Variants in IFNGR2 observed in about 807,000 individuals in gnomAD.
IFNGR2 encodes the protein IFN-gamma receptor 2.
IFNGR2 carries 15 observed loss-of-function variants against 41.1 expected under a neutral mutation model. The ratio of observed to expected loss-of-function variants is 0.37; its 90% CI spans 0.24 to 0.56. IFNGR2 has a LOEUF of 0.56. IFNGR2 is among the 20% of genes least tolerant of loss of function. The probability of loss-of-function intolerance (pLI) is 0.81; values close to 1 mark genes in which losing one functional copy is unlikely to be tolerated. For synonymous variants in IFNGR2, 161 were observed against 171.6 expected, an observed-to-expected ratio of 0.94 and a Z score of 0.48; for missense variants, 362 against 415.7, an observed-to-expected ratio of 0.87 and a Z score of 1.12.
chr21:33,409,211 G>A (rs2083699567), intron 1 of IFNGR2, among the ~76,000 whole-genome samples: 1 of 151,924 alleles, frequency 6.6e-6, no homozygotes, highest in Non-Finnish European at 1.5e-5. Context: ...GCTCACACCT[G>A]TAATCCCAGC....
At chr21:33,417,640 C>T (rs1224666231) in intron 2 of IFNGR2, among the ~76,000 whole-genome samples, 1 of 152,078 alleles carries the variant, frequency 6.6e-6, no homozygotes. Context: ...AGATGGCAAC[C>T]GCAGAGCATC....
chr21:33,426,144 T>TG (rs11389620), intron 3 of IFNGR2, among the ~76,000 whole-genome samples: 152,366 of 152,366 alleles, frequency 1, 76,183 homozygotes, highest in Non-Finnish European at 1. Flanking sequence ...ATGGGCATGG[T>TG]GCTCACGCCT....
chr21:33,423,021 AT>A (rs1337776120), intron 3 of IFNGR2, among the ~76,000 whole-genome samples: 2 of 149,730 alleles, frequency 1.3e-5, no homozygotes, highest in Non-Finnish European at 3.0e-5. Flanking sequence ...GTGTTTGTTA[AT>A]GATCTTCCCT....
rs121913214 is a variant in IFNGR2 at position 33,432,509 on chromosome 21, A to C, written c.721+173A>C. The C allele has an allele frequency of 1.0e-4, 86 of 840,038 alleles. No homozygotes were observed. In the Middle Eastern group the frequency reaches 1.6e-3, roughly 16 times the overall value. The allele number at this position is 840,038 out of a possible 1,614,324, so 52.0% of individuals were successfully genotyped here. A position where few individuals can be genotyped will look rare whatever the true frequency, so the allele number is the denominator to read the frequency against. ...GCTGAGATTTGCAGTAGTGGAGGCTACCAGACAGCTACCACTTGCTTTATT... is the reference window on the plus strand; with the variant it reads ...GCTGAGATTTGCAGTAGTGGAGGCTCCCAGACAGCTACCACTTGCTTTATT... On this transcript the variant is annotated intron_variant, in intron 5 of 6. Transcript: ENST00000290219.
At chr21:33,417,407 A>G (rs2083761783) in intron 2 of IFNGR2, among the ~76,000 whole-genome samples, 1 of 152,130 alleles carries the variant, frequency 6.6e-6, no homozygotes, top group Non-Finnish European at 1.5e-5. Context: ...TTGTTTTTAA[A>G]TGTCCGTTGT....
intron 2 of IFNGR2, among the ~76,000 whole-genome samples, chr21:33,419,133 T>C (rs964548338): frequency 2.6e-5 from 4 of 152,160 alleles, no homozygotes; most frequent in African/African-American, 9.7e-5. Context: ...TGAGACAGAG[T>C]CTTACTCTGT....
chr21:33,413,288 A>G (rs768805123), intron 1 of IFNGR2, among the ~76,000 whole-genome samples: 6 of 152,170 alleles, frequency 3.9e-5, no homozygotes, highest in Non-Finnish European at 8.8e-5. Context: ...CCTTCGGCCC[A>G]GGATGTCATG....
At position 33,432,800 on chromosome 21, in the gene IFNGR2, G is replaced by C. The variant is rs1169604722; in HGVS notation, c.808G>C (p.Val270Leu). Residue 270 changes from valine (V) to leucine (L), a missense_variant, in exon 6 of 7, where the codon GTC becomes CTC. Physicochemically the swap from Val to Leu is conservative, Grantham distance 32. Coordinates refer to ENST00000290219, the MANE Select transcript of IFNGR2 (RefSeq NM_005534.4). ...SVLAGACFFLVLKYRGLIKYW... is the reference protein window; with the variant it reads ...SVLAGACFFLLLKYRGLIKYW... ...GCTGGCAGGAGCCTGTTTCTTCCTG[G>C]TCCTGAAATATAGAGGCCTGATTAA... 6.2e-7 allele frequency: 1 copy of C among 1,613,672 alleles called. No individual in the cohort carries two copies. The highest frequency in any genetic ancestry group is 1.3e-5 in the African/African-American group (1 of 74,852).
chr21:33,426,982 G>C lies in IFNGR2; in HGVS notation c.511G>C (p.Ala171Pro). The change falls in exon 4 of 7, where the codon GCC (alanine) becomes CCC (proline). Residue 171 changes from alanine (A) to proline (P), a missense_variant. Ala to Pro is a conservative substitution (Grantham distance 27, BLOSUM62 -1). Coordinates refer to ENST00000290219, the MANE Select transcript of IFNGR2 (RefSeq NM_005534.4). The stretch of plus-strand genomic sequence containing the variant: ...CTTTGACATCGCTGATACCTCCACG[G>C]CCTTTTTTTGTTATTATGTCCATTA... ...SPFDIADTSTAFFCYYVHYWE... is the reference protein window; with the variant it reads ...SPFDIADTSTPFFCYYVHYWE... 6.2e-7 allele frequency: 1 copy of C among 1,613,334 alleles called. No homozygotes were observed. Among genetic ancestry groups the C allele is most frequent in the South Asian group, 1.1e-5 (1 of 91,062 alleles).
At position 33,432,865 on chromosome 21, in the gene IFNGR2, A is replaced by G; in HGVS notation, c.873A>G (p.Ile291Met). ...CTCCACCAAGCATCCCATTACAGAT[A>G]GAAGAGGTACGTGTGCACACATCTC... ...FHTPPSIPLQ[I>M]EEYLKDPTQP... Residue 291 changes from isoleucine (I) to methionine (M), a missense_variant, in exon 6 of 7, where the codon ATA becomes ATG. Ile to Met is a conservative substitution (Grantham distance 10). Coordinates refer to ENST00000290219, the MANE Select transcript of IFNGR2 (RefSeq NM_005534.4). 3 of 1,611,794 alleles carry G rather than the reference A, an allele frequency of 1.9e-6. No homozygotes were observed. Among genetic ancestry groups the G allele is most frequent in the Non-Finnish European group, 2.5e-6 (3 of 1,178,592 alleles).
At chr21:33,403,954 C>G (rs1327832353) in intron 1 of IFNGR2, among the ~76,000 whole-genome samples, 1 of 152,174 alleles carries the variant, frequency 6.6e-6, no homozygotes, top group African/African-American at 2.4e-5. Flanking sequence ...CGCCGGGACA[C>G]CCCTCTCCGG....
chr21:33,409,130 T>C (rs550661070), intron 1 of IFNGR2, among the ~76,000 whole-genome samples: 1 of 148,498 alleles, frequency 6.7e-6, no homozygotes, highest in South Asian at 2.1e-4. Flanking sequence ...TGAGCCTAGA[T>C]CGTGCCACTA....
upstream of IFNGR2, chr21:33,403,346 G>A (rs1407903649): frequency 4.5e-5 from 8 of 177,994 alleles, no homozygotes; most frequent in Non-Finnish European, 9.1e-5. Context: ...TGGCCTCGGG[G>A]GCGGGACGGG....
chr21:33,416,821 CAAAAA>C (rs11356057), intron 2 of IFNGR2, among the ~76,000 whole-genome samples: 2 of 114,074 alleles, frequency 1.8e-5, no homozygotes, highest in Non-Finnish European at 1.9e-5. Flanking sequence ...GACTCCATCT[CAAAAA>C]AAAAAAAAAA....
At chr21:33,436,250 G>T (rs1016055580) in intron 6 of IFNGR2, among the ~76,000 whole-genome samples, 1 of 151,520 alleles carries the variant, frequency 6.6e-6, no homozygotes, top group Admixed American at 6.6e-5. Context: ...AGCTACTTGG[G>T]AGGCTGAGGC....
At position 33,437,000 on chromosome 21, in the gene IFNGR2, A is replaced by G. The variant is rs1342282580; in HGVS notation, c.*38A>G. On this transcript the variant is annotated 3_prime_UTR_variant, in exon 7 of 7. Transcript: ENST00000290219. Reference sequence around the variant, plus strand: ...GCCTAGCCCACTGGCTCCCTGGAAGAGATCAAGCCATCGGAGCTGCTAGAG... The same window carrying G: ...GCCTAGCCCACTGGCTCCCTGGAAGGGATCAAGCCATCGGAGCTGCTAGAG... 3.7e-6 allele frequency: 6 copies of G among 1,611,386 alleles called. No individual in the cohort carries two copies. The highest frequency in any genetic ancestry group is 1.1e-5 in the South Asian group (1 of 91,026).
Position 33,415,031 on chromosome 21 carries a change from A to G in IFNGR2, c.206+11A>G. ...AGTGCAGTTTAAATAGTAAGCCGGT[A>G]TTTCTGTTGGATCCTTGCTGGGAGC... On this transcript the variant is annotated intron_variant, in intron 2 of 6. Transcript: ENST00000290219. 1 of 1,613,942 alleles carries G rather than the reference A, an allele frequency of 6.2e-7. No individual in the cohort carries two copies. The highest frequency in any genetic ancestry group is 8.5e-7 in the Non-Finnish European group (1 of 1,179,958).
Position 33,405,806 on chromosome 21 carries a change from G to A in IFNGR2, c.73+2190G>A, listed in dbSNP as rs7280395. ...AGCACTTTGGGAGGCTGAGGCGGGCGGATCACCTGAGGTCAGGAGTTCAAG... is the reference window on the plus strand; with the variant it reads ...AGCACTTTGGGAGGCTGAGGCGGGCAGATCACCTGAGGTCAGGAGTTCAAG... On this transcript the variant is annotated intron_variant, in intron 1 of 6. Coordinates refer to ENST00000290219, the MANE Select transcript of IFNGR2 (RefSeq NM_005534.4). Among the ~76,000 whole-genome samples, 1,121 of 151,692 alleles carry A rather than the reference G, an allele frequency of 7.4e-3. 16 individuals carry two copies. The highest frequency in any genetic ancestry group is 0.026 in the African/African-American group (1,079 of 41,352).
chr21:33,418,150 G>A lies in IFNGR2; in HGVS notation c.206+3130G>A, dbSNP rs1169123203. ...CGGCTCACTGCAGCCTCCGCCTCGT[G>A]GGTTCAAGCGATTCTCCTGCCTCAG... is the stretch of plus-strand genomic sequence containing the variant. On this transcript the variant is annotated intron_variant, in intron 2 of 6. Transcript: ENST00000290219. Among the ~76,000 whole-genome samples, 3 of 152,196 alleles carry A rather than the reference G, an allele frequency of 2.0e-5. No homozygotes were observed. In the East Asian group the frequency reaches 5.8e-4, roughly 29 times the overall value.
Sources: gnomAD v4.1 joint callset for allele counts (sites outside exome capture counted in the v4.1 genomes callset) on GRCh38, gnomAD v4.1.1 for gene constraint, MANE v1.5 for transcripts, NCBI Gene and HGNC (gene_info 2026-07-23, HGNC 2026-07-21) for gene names.